The following NCBP1 variants were observed in gnomAD, a reference collection of about 807,000 sequenced individuals.
NCBP1 encodes nuclear cap-binding protein subunit 1.
Under a neutral mutation model 111.7 loss-of-function variants are expected in NCBP1, and 16 were observed. That is an observed-to-expected ratio of 0.14 (90% CI 0.10 to 0.22). The LOEUF (loss-of-function observed/expected upper bound fraction) is 0.22. Among genes scored for constraint, NCBP1 ranks in the 10% least tolerant of loss-of-function variants. The pLI is 1.00. For synonymous variants in NCBP1, 304 were observed against 314.3 expected, an observed-to-expected ratio of 0.97 and a Z score of 0.35; for missense variants, 607 against 957.5, an observed-to-expected ratio of 0.63 and a Z score of 4.83.
rs1250269022 is a variant in NCBP1 at position 97,672,017 on chromosome 9, T to A, written c.*818T>A. ...GAGTTACAGAATACTAAAGTGGATGTAGAAGTGGTCAGATTGACTGAAACT... is the reference window on the plus strand; with the variant it reads ...GAGTTACAGAATACTAAAGTGGATGAAGAAGTGGTCAGATTGACTGAAACT... On this transcript the variant is annotated 3_prime_UTR_variant, in exon 23 of 23. Transcript: ENST00000375147. The A allele has an allele frequency of 6.6e-6, 1 of 152,200 alleles. No homozygotes were observed. 9.4% of individuals were successfully genotyped at this position (152,200 alleles called of 1,614,324 possible). A position where few individuals can be genotyped will look rare whatever the true frequency, so the allele number is the denominator to read the frequency against.
intron 14 of NCBP1, among the ~76,000 whole-genome samples, chr9:97,657,885 G>GCGCTCTCT (rs1554694967): frequency 8.8e-6 from 1 of 114,028 alleles, no homozygotes; most frequent in African/African-American, 3.6e-5. Context: ...GCCCCGGTAA[G>GCGCTCTCT]CTCTCTCTCT....
chr9:97,645,046 C>T, intron 4 of NCBP1, 71 bp from the exon 5 acceptor site: 3 of 1,176,008 alleles, frequency 2.6e-6, no homozygotes, highest in Non-Finnish European at 2.5e-6. Context: ...TTAGCCTATA[C>T]AAGATTGCTT....
chr9:97,656,727 C>T (rs1390438728), intron 14 of NCBP1, among the ~76,000 whole-genome samples: 3 of 152,150 alleles, frequency 2.0e-5, no homozygotes, highest in Admixed American at 6.5e-5. Context: ...AGACCCATTA[C>T]GTTGGTTTTC....
chr9:97,655,864 T>C, intron 13 of NCBP1, 100 bp downstream of exon 13: 2 of 1,364,158 alleles, frequency 1.5e-6, no homozygotes, highest in East Asian at 2.3e-5. Context: ...TCTTGGAAAC[T>C]ATTTGTAGTT....
rs771979745 is a variant in NCBP1, at chr9:97,643,278, T to G, written c.299T>G (p.Phe100Cys). 4 of 1,610,648 alleles carry G rather than the reference T, an allele frequency of 2.5e-6. No individual in the cohort carries two copies. The African/African-American group carries it at 5.4e-5, about 22-fold the overall frequency. The change falls in exon 4 of 23, where the codon TTT becomes TGT. Residue 100 changes from phenylalanine to cysteine, a missense_variant. Transcript: ENST00000375147. ...CTACTGAATGCCAGGAATTACAATT[T>G]TGGTGGAGAATTTGTAGAAGCCATG... ...VGLLNARNYNFGGEFVEAMIR... is the reference protein window; with the variant it reads ...VGLLNARNYNCGGEFVEAMIR...
chr9:97,652,337 G>C (rs890290318), intron 10 of NCBP1, among the ~76,000 whole-genome samples: 1 of 152,194 alleles, frequency 6.6e-6, no homozygotes, highest in Admixed American at 6.5e-5. Flanking sequence ...GTATTCATGG[G>C]CCAGGCTTAG....
At chr9:97,662,282 G>A (rs1255354249) in intron 17 of NCBP1, 138 bp downstream of exon 17, 1 of 628,942 alleles carries the variant, frequency 1.6e-6, no homozygotes. Flanking sequence ...GTTTGGGTTT[G>A]TGGTAGCTGA....
Position 97,645,019 on chromosome 9 carries a change from T to G in NCBP1, c.382-98T>G. The G allele has an allele frequency of 5.7e-6, 5 of 876,896 alleles. No individual in the cohort carries two copies. The South Asian group carries it at 8.2e-5, about 14-fold the overall frequency. The allele number at this position is 876,896 out of a possible 1,614,324, so 54.3% of individuals were successfully genotyped here. ...GCTAGATTCAGCCCTTAGGCTATAG[T>G]TTTTTAGACCAATAGTTTAGCCTAT... On this transcript the variant is annotated intron_variant, in intron 4 of 22. Coordinates refer to ENST00000375147, the MANE Select transcript of NCBP1 (RefSeq NM_002486.5).
At chr9:97,668,810 A>T in intron 20 of NCBP1, 36 bp from the exon 21 acceptor site, 1 of 1,601,692 alleles carries the variant, frequency 6.2e-7, no homozygotes, top group Non-Finnish European at 8.5e-7. Context: ...CTGGAATCTA[A>T]ATGGTATTTT....
rs77424947 is a variant in NCBP1, at chr9:97,666,897, G to A, written c.2016+20G>A. ...AAACGGGTAAGTTTTGTGTAAACTT[G>A]TAAGTAGTTAAAGAAAATATACCAG... On this transcript the variant is annotated intron_variant, in intron 20 of 22. Coordinates refer to ENST00000375147, the MANE Select transcript of NCBP1 (RefSeq NM_002486.5). 2.0e-6 allele frequency: 3 copies of A among 1,486,168 alleles called. No individual in the cohort carries two copies. Among genetic ancestry groups the A allele is most frequent in the Middle Eastern group, 3.5e-4 (2 of 5,744 alleles). The allele number at this position is 1,486,168 out of a possible 1,614,324, so 92.1% of individuals were successfully genotyped here. A position where few individuals can be genotyped will look rare whatever the true frequency, so the allele number is the denominator to read the frequency against.
At chr9:97,666,726 C>T in intron 19 of NCBP1, 37 bp from the exon 20 acceptor site, 2 of 1,339,912 alleles carry the variant, frequency 1.5e-6, no homozygotes, top group Non-Finnish European at 2.1e-6. Context: ...GTAACCATAG[C>T]TTGACATACA....
At chr9:97,664,261 T>TAA (rs1827926851) in intron 18 of NCBP1, 79 bp from the exon 19 acceptor site, 4 of 865,212 alleles carry the variant, frequency 4.6e-6, no homozygotes, top group Non-Finnish European at 7.1e-6. Flanking sequence ...ATTTTACTTT[T>TAA]ATAGCAGCAG....
rs1828016274 is a variant in NCBP1, at chr9:97,666,783, T to C, written c.1922T>C (p.Leu641Ser). ...TTAAGATTGTTTGTTTGGGAAATTT[T>C]GCACTCTACAATTCGTAAGATGAAC... ...DFTRLFVWEI[L>S]HSTIRKMNKH... The change falls in exon 20 of 23, where the codon TTG (leucine) becomes TCG (serine). Residue 641 changes from leucine to serine, a missense_variant. Physicochemically the swap from Leu to Ser is moderately radical, Grantham distance 145. Transcript: ENST00000375147. 5 of 1,602,948 alleles carry C rather than the reference T, an allele frequency of 3.1e-6. No homozygotes were observed. The highest frequency in any genetic ancestry group is 3.4e-6 in the Non-Finnish European group (4 of 1,176,094).
At chr9:97,661,714 T>TA (rs1350227508) in intron 16 of NCBP1, among the ~76,000 whole-genome samples, 1 of 147,798 alleles carries the variant, frequency 6.8e-6, no homozygotes, top group African/African-American at 2.5e-5. Context: ...TCAGACATCT[T>TA]AAGACATAAG....
At chr9:97,661,130 TAACTCTGGC>T in intron 16 of NCBP1, 62 bp downstream of exon 16, 1 of 1,589,062 alleles carries the variant, frequency 6.3e-7, no homozygotes, top group Non-Finnish European at 8.5e-7. Flanking sequence ...AGCATAAACA[TAACTCTGGC>T]AACATGATGC....
intron 6 of NCBP1, 24 bp downstream of exon 6, chr9:97,645,756 C>T: frequency 6.2e-7 from 1 of 1,610,310 alleles, no homozygotes; most frequent in Non-Finnish European, 8.5e-7. Flanking sequence ...TCATAGTACT[C>T]TTTGTTGCTT....
chr9:97,633,856 G>C lies in NCBP1; in HGVS notation c.-26G>C. 6.3e-7 allele frequency: 1 copy of C among 1,577,208 alleles called. No individual in the cohort carries two copies. Among genetic ancestry groups the C allele is most frequent in the Non-Finnish European group, 8.6e-7 (1 of 1,168,508 alleles). ...TGCAGCGCTTACCGCCTGGCCTCTC[G>C]GTTCCGCGGCGCACCGGAGGGCAGC... On this transcript the variant is annotated 5_prime_UTR_variant, in exon 1 of 23. Coordinates refer to ENST00000375147, the MANE Select transcript of NCBP1 (RefSeq NM_002486.5).
At position 97,669,918 on chromosome 9, in the gene NCBP1, A is replaced by G. The variant is rs963339976; in HGVS notation, c.2259+212A>G. 23 of 508,786 alleles carry G rather than the reference A, an allele frequency of 4.5e-5. No individual in the cohort carries two copies. In the African/African-American group the frequency reaches 4.8e-4, roughly 11 times the overall value. The allele number at this position is 508,786 out of a possible 1,614,324, so 31.5% of individuals were successfully genotyped here. On this transcript the variant is annotated intron_variant, in intron 22 of 22. Transcript: ENST00000375147. Reference sequence around the variant, plus strand: ...ATTCCTAATTGCCACCCCCCCAACAACCCCCCGCCCCACCTTTTTTTTGAG... The same window carrying G: ...ATTCCTAATTGCCACCCCCCCAACAGCCCCCCGCCCCACCTTTTTTTTGAG...
intron 14 of NCBP1, among the ~76,000 whole-genome samples, 194 bp downstream of exon 14, chr9:97,656,279 A>G (rs1481725604): frequency 6.6e-6 from 1 of 152,210 alleles, no homozygotes; most frequent in Non-Finnish European, 1.5e-5. Flanking sequence ...TAAGCCAATA[A>G]GTTCTTTTAA....
Sources: gnomAD v4.1 joint callset for allele counts (sites outside exome capture counted in the v4.1 genomes callset) on GRCh38, gnomAD v4.1.1 for gene constraint, MANE v1.5 for transcripts, NCBI Gene and HGNC (gene_info 2026-07-23, HGNC 2026-07-21) for gene names.